COL5A3: variants seen among roughly 807,000 people sequenced by gnomAD.
COL5A3 encodes the protein collagen alpha-3(V) chain.
COL5A3 carries 172 observed loss-of-function variants against 250.0 expected under a neutral mutation model. That is an observed-to-expected ratio of 0.69 (90% CI 0.61 to 0.78). The LOEUF (loss-of-function observed/expected upper bound fraction) is 0.78. Among genes scored for constraint, COL5A3 ranks in the 30% least tolerant of loss-of-function variants. The pLI is 0.00. For missense variants in COL5A3, 2,340 were observed against 2,334.4 expected, an observed-to-expected ratio of 1.00 and a Z score of -0.05; for synonymous variants, 937 against 900.4, an observed-to-expected ratio of 1.04 and a Z score of -0.73.
At chr19:9,973,302 ATCC>A (rs949153598) in intron 50 of COL5A3, among the ~76,000 whole-genome samples, 50 of 152,334 alleles carry the variant, frequency 3.3e-4, no homozygotes, top group African/African-American at 1.1e-3. Context: ...TGGGCAACTC[ATCC>A]TCAGGTCAGG....
intron 51 of COL5A3, among the ~76,000 whole-genome samples, chr19:9,972,278 C>T (rs1287749293): frequency 4.6e-5 from 7 of 152,114 alleles, no homozygotes; most frequent in Admixed American, 3.3e-4. Flanking sequence ...CTCATTCACC[C>T]ATTCATTCCC....
intron 40 of COL5A3, 58 bp downstream of exon 40, chr19:9,978,833 A>AC (rs554404195): frequency 9.3e-5 from 95 of 1,023,934 alleles, no homozygotes; most frequent in East Asian, 7.4e-4. Context: ...CCCTCCCCTG[A>AC]CCCCCCCATC....
Position 9,970,078 on chromosome 19 carries a change from GTGAGTGGGGGCTGTGGC to G in COL5A3, c.3937-173_3937-157del, listed in dbSNP as rs756797427. On this transcript the variant is annotated intron_variant, in intron 54 of 66. Coordinates refer to ENST00000264828, the MANE Select transcript of COL5A3 (RefSeq NM_015719.4). Reference sequence around the variant, plus strand: ...AGGTCTGGGTGAGTGGGGGCTGTGGGTGAGTGGGGGCTGTGGCTGAGTGGAGGCTGTGGGTGAGTGGA... The same window carrying G: ...AGGTCTGGGTGAGTGGGGGCTGTGGGTGAGTGGAGGCTGTGGGTGAGTGGA... Among the ~76,000 whole-genome samples the G allele has an allele frequency of 2.3e-3, 150 of 66,082 alleles. 13 individuals are homozygous for G. Among genetic ancestry groups the G allele is most frequent in the Non-Finnish European group, 2.8e-3 (91 of 32,798 alleles). 43.4% of individuals were successfully genotyped at this position (66,082 alleles called of 152,430 possible). A position where few individuals can be genotyped will look rare whatever the true frequency, so the allele number is the denominator to read the frequency against.
chr19:10,003,642 C>G lies in COL5A3; in HGVS notation c.772G>C (p.Gly258Arg). 6.2e-7 allele frequency: 1 copy of G among 1,614,144 alleles called. No homozygotes were observed. The highest frequency in any genetic ancestry group is 8.5e-7 in the Non-Finnish European group (1 of 1,180,020). Residue 258 changes from glycine to arginine, a missense_variant, in exon 6 of 67, where the codon GGT becomes CGT. Transcript: ENST00000264828. ...GKGKGRKKGR[G>R]RKGKGRKKNK... ...TTTTTCCTGCCCTTCCCCTTGCGAC[C>G]TCGCCCTTTCTTCCTCCCTTTTCCC...
chr19:9,976,754 C>A lies in COL5A3; in HGVS notation c.3289-143G>T, dbSNP rs1044582382. ...CAGCAACAGCTACATCCCCCCAAAT[C>A]CTGTCTTCTCAGCCACCAACAGATG... is the stretch of plus-strand genomic sequence containing the variant. On this transcript the variant is annotated intron_variant, in intron 44 of 66. Coordinates refer to ENST00000264828, the MANE Select transcript of COL5A3 (RefSeq NM_015719.4). 1.1e-5 allele frequency: 7 copies of A among 665,634 alleles called. No individual in the cohort carries two copies. In the Admixed American group the frequency reaches 1.8e-4, roughly 17 times the overall value. 41.2% of individuals were successfully genotyped at this position (665,634 alleles called of 1,614,324 possible).
In COL5A3 at chr19:9,967,919, G is replaced by A; in HGVS notation, c.4389C>T (p.Gly1463=). ...GTGTACTCACCGGAGACCCTTTTGA[G>A]CCTTTCTGTCCTAGAGGGCCCTGTA... is the stretch of plus-strand genomic sequence containing the variant. ...PGVAGPLGQK[G]SKGSPGSMGP... Residue 1463 remains glycine, a synonymous_variant, in exon 61 of 67, where the codon GGC becomes GGT. Transcript: ENST00000264828. 3.1e-6 allele frequency: 5 copies of A among 1,613,306 alleles called. No individual in the cohort carries two copies. Among genetic ancestry groups the A allele is most frequent in the East Asian group, 2.2e-5 (1 of 44,832 alleles).
chr19:9,960,750 G>A lies in COL5A3; in HGVS notation c.4992C>T (p.Asp1664=). The change falls in exon 66 of 67, where the codon GAC becomes GAT. Residue 1664 remains aspartate, a synonymous_variant. Coordinates refer to ENST00000264828, the MANE Select transcript of COL5A3 (RefSeq NM_015719.4). ...CAAGGAAGCGGGCGGAGTGGCTGTA[G>A]TCACCCGTGGCTTCGTCCAGCCAGG... The part of the protein sequence containing the change: ...AAAWLDEATG[D]YSHSARFLGT... 6.2e-7 allele frequency: 1 copy of A among 1,614,084 alleles called. No homozygotes were observed. Among genetic ancestry groups the A allele is most frequent in the Non-Finnish European group, 8.5e-7 (1 of 1,180,034 alleles).
Position 9,968,845 on chromosome 19 carries a change from G to C in COL5A3, c.4153-117C>G. ...CAGATTTCAAATGGGAATTACCAGG[G>C]ATGAGGTCAAGGGATGGTCAGAGTA... On this transcript the variant is annotated intron_variant, in intron 57 of 66. Coordinates refer to ENST00000264828, the MANE Select transcript of COL5A3 (RefSeq NM_015719.4). This position sits in a 1 kb window ranked among gnomAD's most constrained non-coding sequence, Gnocchi z 4.1. 1 of 934,852 alleles carries C rather than the reference G, an allele frequency of 1.1e-6. No individual in the cohort carries two copies. Among genetic ancestry groups the C allele is most frequent in the Middle Eastern group, 2.1e-4 (1 of 4,732 alleles). The allele number at this position is 934,852 out of a possible 1,614,324, so 57.9% of individuals were successfully genotyped here.
intron 31 of COL5A3, among the ~76,000 whole-genome samples, chr19:9,985,372 T>C (rs2087084752): frequency 6.6e-6 from 1 of 151,580 alleles, no homozygotes; most frequent in Non-Finnish European, 1.5e-5. Flanking sequence ...GCGATTCTCC[T>C]GCCTCAGCCT....
rs769793526 is a variant in COL5A3, at chr19:10,006,089, C to T, written c.231G>A (p.Thr77=). ...IGQASTLGIP[T]WELFPEGHFP... Reference sequence around the variant, plus strand: ...CCAACTCACCTGGAAAGAGTTCCCACGTGGGGATGCCGAGCGTGCTGGCCT... The same window carrying T: ...CCAACTCACCTGGAAAGAGTTCCCATGTGGGGATGCCGAGCGTGCTGGCCT... Residue 77 remains threonine (T), a synonymous_variant, in exon 2 of 67, where the codon ACG becomes ACA. Coordinates refer to ENST00000264828, the MANE Select transcript of COL5A3 (RefSeq NM_015719.4). 7.4e-6 allele frequency: 12 copies of T among 1,613,924 alleles called. No individual in the cohort carries two copies. The South Asian group carries it at 7.7e-5, about 10-fold the overall frequency.
chr19:9,979,418 C>T lies in COL5A3; in HGVS notation c.2713-1G>A, dbSNP rs762244025. Reference sequence around the variant, plus strand: ...GCGGGCCTGTCTGACCTTGGAAGCCCTAGAGAGAAAAATTAAATGTGGGGG... The same window carrying T: ...GCGGGCCTGTCTGACCTTGGAAGCCTTAGAGAGAAAAATTAAATGTGGGGG... On this transcript the variant is annotated splice_acceptor_variant, in intron 37 of 66. Transcript: ENST00000264828. LOFTEE classifies it high-confidence loss of function. The T allele has an allele frequency of 6.2e-7, 1 of 1,614,078 alleles. No homozygotes were observed. The highest frequency in any genetic ancestry group is 2.2e-5 in the East Asian group (1 of 44,876).
In COL5A3 at chr19:9,979,830, G is replaced by GTTAC. The variant is rs2086981211; in HGVS notation, c.2712+5_2712+8dup. 6.3e-7 allele frequency: 1 copy of GTTAC among 1,582,828 alleles called. No homozygotes were observed. Among genetic ancestry groups the GTTAC allele is most frequent in the African/African-American group, 1.4e-5 (1 of 72,626 alleles). ...AGGATCAGGAATCAAAGGTTGAGGG[G>GTTAC]TTACTCACCAGTTCTCCTCTCTGTC... On this transcript the variant is annotated intron_variant, in intron 37 of 66. Transcript: ENST00000264828.
At chr19:9,996,712 G>A (rs757227455) in intron 11 of COL5A3, 23 bp from the exon 12 acceptor site, 2 of 1,583,106 alleles carry the variant, frequency 1.3e-6, no homozygotes, top group Non-Finnish European at 8.6e-7. Flanking sequence ...TGGGGGAAGA[G>A]AGGTGGAGAC....
At position 9,968,726 on chromosome 19, in the gene COL5A3, C is replaced by A; in HGVS notation, c.4155G>T (p.Gly1385=). 4 of 1,606,876 alleles carry A rather than the reference C, an allele frequency of 2.5e-6. No homozygotes were observed. The highest frequency in any genetic ancestry group is 3.4e-6 in the Non-Finnish European group (4 of 1,177,530). The change falls in exon 58 of 67, where the codon GGG becomes GGT. Residue 1385 remains glycine, a splice_region_variant and synonymous_variant. Transcript: ENST00000264828. The surrounding 1 kb of genome is among the most constrained non-coding windows in gnomAD (Gnocchi z 4.1). ...CCTTCAGCCCTGGGAGGCCAGAGGG[C>A]CCCTGGGAGAAGAGCAAGGGTCAGT... ...PGQMGPPGPL[G]PSGLPGLKGD... is the part of the protein sequence containing the mutation.
At position 10,006,143 on chromosome 19, in the gene COL5A3, T is replaced by C. The variant is rs992137350; in HGVS notation, c.177A>G (p.Pro59=). The C allele has an allele frequency of 9.9e-6, 16 of 1,612,526 alleles. No individual in the cohort carries two copies. Among genetic ancestry groups the C allele is most frequent in the Non-Finnish European group, 1.4e-5 (16 of 1,179,330 alleles). ...CAATTCTGAATGCCCGGTCACCCTC[T>C]GGAGTCCTCTGGGGACAGAAGCCAG... ...EGPGFCPQRT[P]EGDRAFRIGQ... Residue 59 remains proline (P), a synonymous_variant, in exon 2 of 67, where the codon CCA becomes CCG. Transcript: ENST00000264828.
At chr19:9,976,304 A>C (rs980923864) in intron 45 of COL5A3, among the ~76,000 whole-genome samples, 1 of 151,416 alleles carries the variant, frequency 6.6e-6, no homozygotes, top group Non-Finnish European at 1.5e-5. Context: ...ACTGAGGGGA[A>C]GACATGGTTG....
chr19:9,996,001 T>C, intron 15 of COL5A3, 65 bp downstream of exon 15: 1 of 1,413,586 alleles, frequency 7.1e-7, no homozygotes, highest in East Asian at 2.4e-5. Context: ...CATCCAGCAC[T>C]GTATCTTGTG....
At chr19:9,961,621 T>C (rs1351820131) in intron 65 of COL5A3, among the ~76,000 whole-genome samples, 1 of 149,464 alleles carries the variant, frequency 6.7e-6, no homozygotes, top group African/African-American at 2.5e-5. Flanking sequence ...TGCAGTGGCA[T>C]GGTCTCAGCT....
chr19:9,991,557 G>T, intron 24 of COL5A3, 53 bp downstream of exon 24: 2 of 1,471,026 alleles, frequency 1.4e-6, no homozygotes, highest in Non-Finnish European at 1.8e-6. Flanking sequence ...CCTGGCAACA[G>T]AGTTGAAGGA....
Sources: gnomAD v4.1 joint callset for allele counts (sites outside exome capture counted in the v4.1 genomes callset) on GRCh38, gnomAD v4.1.1 for gene constraint, Gnocchi (gnomAD v3.1) non-coding constraint, MANE v1.5 for transcripts, NCBI Gene and HGNC (gene_info 2026-07-23, HGNC 2026-07-21) for gene names.